BMAL1: variants seen among roughly 807,000 people sequenced by gnomAD.
The protein encoded by BMAL1 is basic helix-loop-helix ARNT-like protein 1.
chr11:13,319,966 GA>G, the BMAL1 span, among the ~76,000 whole-genome samples: 2 of 152,224 alleles, frequency 1.3e-5, no homozygotes, highest in Non-Finnish European at 2.9e-5. Flanking sequence ...TTCCTTTACT[GA>G]GCTAGATGAG....
the BMAL1 span, among the ~76,000 whole-genome samples, chr11:13,347,641 C>T: frequency 6.6e-6 from 1 of 151,614 alleles, no homozygotes; most frequent in South Asian, 2.1e-4. Context: ...GAGCCCAGGA[C>T]TTTGAGACCA....
the BMAL1 span, among the ~76,000 whole-genome samples, chr11:13,368,038 G>A: frequency 6.6e-6 from 1 of 152,270 alleles, no homozygotes; most frequent in East Asian, 1.9e-4. Context: ...ACAGCACACC[G>A]CTTGTTCCTA....
At chr11:13,386,845 A>G in the BMAL1 span, 1 of 1,481,574 alleles carries the variant, frequency 6.7e-7, no homozygotes, top group East Asian at 2.3e-5. Flanking sequence ...GGATAAGGAG[A>G]GAATAGCTTT....
At chr11:13,341,242 T>C in the BMAL1 span, among the ~76,000 whole-genome samples, 1 of 152,206 alleles carries the variant, frequency 6.6e-6, no homozygotes. Context: ...CAGGAGGCTC[T>C]GATGCTCTGC....
At chr11:13,352,823 A>T in the BMAL1 span, among the ~76,000 whole-genome samples, 1 of 152,142 alleles carries the variant, frequency 6.6e-6, no homozygotes, top group South Asian at 2.1e-4. Context: ...CAGATGAGGG[A>T]AGTTGGGTCC....
At chr11:13,283,991 G>T in the BMAL1 span, among the ~76,000 whole-genome samples, 1 of 151,360 alleles carries the variant, frequency 6.6e-6, no homozygotes, top group Non-Finnish European at 1.5e-5. Flanking sequence ...CCTCACTGGG[G>T]AGGGGACCTT....
chr11:13,360,337 C>T, the BMAL1 span: 4 of 1,607,544 alleles, frequency 2.5e-6, no homozygotes, highest in East Asian at 8.9e-5. Flanking sequence ...TCTCTTTTTG[C>T]CCCTAAGGTG....
chr11:13,297,981 G>A, the BMAL1 span, among the ~76,000 whole-genome samples: 1 of 152,168 alleles, frequency 6.6e-6, no homozygotes, highest in Non-Finnish European at 1.5e-5. Context: ...GCAGGCCTCT[G>A]CTCAGAATCC....
the BMAL1 span, among the ~76,000 whole-genome samples, chr11:13,341,489 C>T: frequency 6.6e-6 from 1 of 152,242 alleles, no homozygotes; most frequent in South Asian, 2.1e-4. Context: ...GCTGCCTGGC[C>T]CAGCCTGTCT....
At chr11:13,357,196 G>C in the BMAL1 span, 1 of 1,520,888 alleles carries the variant, frequency 6.6e-7, no homozygotes, top group African/African-American at 1.4e-5. The surrounding 1 kb of genome is among the most constrained non-coding windows in gnomAD (Gnocchi z 4.8). Context: ...TAAGAGTTCT[G>C]TTGGGCACTG....
At chr11:13,345,992 TG>T in the BMAL1 span, among the ~76,000 whole-genome samples, 2 of 152,200 alleles carry the variant, frequency 1.3e-5, no homozygotes, top group Non-Finnish European at 2.9e-5. Context: ...CAGTGCTGAA[TG>T]GGAAGGTCCC....
At chr11:13,323,438 T>A in the BMAL1 span, among the ~76,000 whole-genome samples, 151,532 of 152,278 alleles carry the variant, frequency 1, 75,408 homozygotes, top group Middle Eastern at 1. Context: ...ATTTGTTCCT[T>A]CAAAAACAAA....
the BMAL1 span, among the ~76,000 whole-genome samples, chr11:13,340,235 G>A: frequency 6.6e-6 from 1 of 152,164 alleles, no homozygotes; most frequent in Non-Finnish European, 1.5e-5. Flanking sequence ...CATAAGAGAT[G>A]CCCCCAGCAT....
At chr11:13,330,611 T>C in the BMAL1 span, among the ~76,000 whole-genome samples, 1 of 152,250 alleles carries the variant, frequency 6.6e-6, no homozygotes, top group Non-Finnish European at 1.5e-5. Context: ...AGAGCGAAAT[T>C]ATTGGCAAGT....
chr11:13,378,389 G>T, the BMAL1 span: 1 of 1,613,310 alleles, frequency 6.2e-7, no homozygotes, highest in South Asian at 1.1e-5. Context: ...GGGGAACCCG[G>T]GCTGGGGCAG....
chr11:13,312,559 C>A, the BMAL1 span, among the ~76,000 whole-genome samples: 1 of 152,166 alleles, frequency 6.6e-6, no homozygotes, highest in Non-Finnish European at 1.5e-5. Context: ...AAGGCAGCAG[C>A]CTTGGGCTTG....
the BMAL1 span, among the ~76,000 whole-genome samples, chr11:13,378,148 A>G: frequency 6.6e-6 from 1 of 152,198 alleles, no homozygotes; most frequent in South Asian, 2.1e-4. Context: ...CTCAGATCCT[A>G]GAAGGAAACT....
the BMAL1 span, among the ~76,000 whole-genome samples, chr11:13,321,232 T>C: frequency 6.6e-6 from 1 of 151,840 alleles, no homozygotes; most frequent in Non-Finnish European, 1.5e-5. Flanking sequence ...GTAGCTGGGG[T>C]TTTTTTTGCA....
At chr11:13,358,563 G>A in the BMAL1 span, 1 of 1,609,182 alleles carries the variant, frequency 6.2e-7, no homozygotes, top group Non-Finnish European at 8.5e-7. Context: ...TGCTAAGGAT[G>A]GCTGTTCAGC....
Sources: gnomAD v4.1 joint callset for allele counts (sites outside exome capture counted in the v4.1 genomes callset) on GRCh38, gnomAD v4.1.1 for gene constraint, Gnocchi (gnomAD v3.1) non-coding constraint, MANE v1.5 for transcripts, NCBI Gene and HGNC (gene_info 2026-07-23, HGNC 2026-07-21) for gene names.